The following PCDH9 variants were observed in gnomAD, a reference collection of about 807,000 sequenced individuals.
PCDH9 encodes protocadherin-9.
PCDH9 carries 24 observed loss-of-function variants against 70.6 expected under a neutral mutation model. The observed-to-expected ratio is 0.34, with a 90% CI of 0.25 to 0.48. The LOEUF (loss-of-function observed/expected upper bound fraction) is 0.48, where lower values mean the gene tolerates loss of function less well. Ranked by LOEUF, PCDH9 falls within the 20% of genes least tolerant of loss-of-function variation. PCDH9 has a pLI of 0.99. For synonymous variants in PCDH9, 562 were observed against 558.5 expected (o/e 1.01, Z -0.09); for missense variants, 1,281 against 1,503.6 (o/e 0.85, Z 2.45).
At chr13:66,489,490 T>C (rs966899731) in intron 4 of PCDH9, among the ~76,000 whole-genome samples, 1 of 152,156 alleles carries the variant, frequency 6.6e-6, no homozygotes. Flanking sequence ...TTTTCTATTT[T>C]TTGTACTAAC....
At chr13:67,176,173 G>A (rs540981719) in intron 2 of PCDH9, among the ~76,000 whole-genome samples, 66 of 152,228 alleles carry the variant, frequency 4.3e-4, no homozygotes, top group African/African-American at 1.5e-3. Context: ...AAAATGTAAA[G>A]CAAGAAAGAA....
At chr13:66,646,411 A>G (rs1239095609) in intron 3 of PCDH9, among the ~76,000 whole-genome samples, 1 of 152,216 alleles carries the variant, frequency 6.6e-6, no homozygotes, top group Non-Finnish European at 1.5e-5. Context: ...ATAAATTTCT[A>G]AAAGGCAGGA....
intron 2 of PCDH9, among the ~76,000 whole-genome samples, chr13:66,941,708 A>T (rs914548098): frequency 2.0e-5 from 3 of 151,942 alleles, no homozygotes; most frequent in African/African-American, 7.2e-5. Context: ...AATCCTAAAC[A>T]TGTATGCACC....
intron 3 of PCDH9, among the ~76,000 whole-genome samples, chr13:66,726,183 C>T (rs138558315): frequency 2.6e-4 from 40 of 152,100 alleles, no homozygotes; most frequent in Middle Eastern, 3.4e-3. Context: ...TTGGAAGGAA[C>T]TGGATAATCT....
At chr13:67,123,300 A>G (rs2086912191) in intron 2 of PCDH9, among the ~76,000 whole-genome samples, 1 of 152,198 alleles carries the variant, frequency 6.6e-6, no homozygotes, top group African/African-American at 2.4e-5. Flanking sequence ...AAATGCTGAG[A>G]GATGTAAACA....
At chr13:66,640,769 TA>T (rs2138962786) in intron 3 of PCDH9, among the ~76,000 whole-genome samples, 1 of 152,348 alleles carries the variant, frequency 6.6e-6, no homozygotes, top group South Asian at 2.1e-4. Flanking sequence ...TAAGGTTGTT[TA>T]AAAAATGCTC....
intron 4 of PCDH9, among the ~76,000 whole-genome samples, chr13:66,546,676 T>G (rs1219225369): frequency 6.6e-6 from 1 of 152,196 alleles, no homozygotes; most frequent in East Asian, 1.9e-4. Context: ...TTTACAGTAG[T>G]GTACAGTAAT....
chr13:67,026,661 A>G (rs1290036068), intron 2 of PCDH9, among the ~76,000 whole-genome samples: 2 of 152,032 alleles, frequency 1.3e-5, no homozygotes, highest in East Asian at 3.8e-4. Flanking sequence ...ATATCTAGAA[A>G]AACCCATTGT....
At chr13:66,571,380 A>G (rs190486453) in intron 4 of PCDH9, among the ~76,000 whole-genome samples, 5 of 152,118 alleles carry the variant, frequency 3.3e-5, no homozygotes, top group Admixed American at 1.3e-4. Flanking sequence ...GTATTTGCAG[A>G]CCTATGATTC....
intron 2 of PCDH9, among the ~76,000 whole-genome samples, chr13:67,069,593 C>T (rs1394853806): frequency 6.6e-6 from 1 of 152,148 alleles, no homozygotes; most frequent in East Asian, 1.9e-4. Flanking sequence ...CTTCCCAGTC[C>T]ATGCTGAGAA....
chr13:66,952,887 C>T (rs983514577), intron 2 of PCDH9, among the ~76,000 whole-genome samples: 3 of 152,114 alleles, frequency 2.0e-5, no homozygotes, highest in African/African-American at 7.2e-5. Flanking sequence ...CCTCCTAACT[C>T]TTGTGTGGGC....
At chr13:66,963,668 T>A (rs1404923478) in intron 2 of PCDH9, among the ~76,000 whole-genome samples, 1 of 152,212 alleles carries the variant, frequency 6.6e-6, no homozygotes, top group East Asian at 1.9e-4. Context: ...AATAATCTTA[T>A]AAACACATGG....
rs117553021 is a variant in PCDH9 at position 66,930,001 on chromosome 13, T to C, written c.3037-26396A>G. Reference sequence around the variant, plus strand: ...AGTTATCCGGTTAAACAGAGAATTTTATCTCTGCCTTCTGATTATCTATAT... The same window carrying C: ...AGTTATCCGGTTAAACAGAGAATTTCATCTCTGCCTTCTGATTATCTATAT... On this transcript the variant is annotated intron_variant, in intron 2 of 4. Transcript: ENST00000377865. Among the ~76,000 whole-genome samples, 66 of 152,308 alleles carry C rather than the reference T, an allele frequency of 4.3e-4. 2 individuals are homozygous for C. In the East Asian group the frequency reaches 0.01, roughly 24 times the overall value.
intron 3 of PCDH9, among the ~76,000 whole-genome samples, chr13:66,744,847 T>G (rs1015524097): frequency 3.3e-5 from 5 of 152,178 alleles, no homozygotes; most frequent in African/African-American, 1.2e-4. Context: ...TTCTGGCATT[T>G]ACTGACTATT....
chr13:67,186,751 A>T (rs1444573182), intron 2 of PCDH9, among the ~76,000 whole-genome samples: 1 of 152,222 alleles, frequency 6.6e-6, no homozygotes, highest in Non-Finnish European at 1.5e-5. Context: ...TGTGTAATTC[A>T]TTAGATATAC....
intron 3 of PCDH9, among the ~76,000 whole-genome samples, chr13:66,747,752 C>T (rs999804331): frequency 2.0e-5 from 3 of 152,022 alleles, no homozygotes; most frequent in African/African-American, 7.2e-5. Context: ...CACACACATA[C>T]ACAGACATAA....
At chr13:66,925,726 A>AT (rs1292812254) in intron 2 of PCDH9, among the ~76,000 whole-genome samples, 3 of 151,982 alleles carry the variant, frequency 2.0e-5, no homozygotes, top group Non-Finnish European at 4.4e-5. Context: ...AAACAAACAT[A>AT]TCATAATATA....
At chr13:66,563,732 C>T (rs1470222089) in intron 4 of PCDH9, among the ~76,000 whole-genome samples, 1 of 152,164 alleles carries the variant, frequency 6.6e-6, no homozygotes, top group Non-Finnish European at 1.5e-5. Context: ...TTGCCAAAAC[C>T]ATTCCTCCAT....
chr13:67,136,212 A>G (rs982710314), intron 2 of PCDH9, among the ~76,000 whole-genome samples: 1 of 152,158 alleles, frequency 6.6e-6, no homozygotes, highest in African/African-American at 2.4e-5. Flanking sequence ...GTACAGTAAC[A>G]TGCTGTAGAA....
Sources: gnomAD v4.1 joint callset for allele counts (sites outside exome capture counted in the v4.1 genomes callset) on GRCh38, gnomAD v4.1.1 for gene constraint, MANE v1.5 for transcripts, NCBI Gene and HGNC (gene_info 2026-07-23, HGNC 2026-07-21) for gene names.